Variants in FAM83C observed in about 807,000 individuals in gnomAD.
The protein encoded by FAM83C is scaffolding CK1 anchoring protein C.
FAM83C carries 23 observed loss-of-function variants against 27.1 expected under a neutral mutation model. That is an observed-to-expected ratio of 0.85 (90% CI 0.61 to 1.20). The LOEUF (loss-of-function observed/expected upper bound fraction) is 1.20. Ranked by LOEUF, FAM83C falls within the 50% of genes most tolerant of loss-of-function variation. FAM83C has a pLI of 0.00. For synonymous variants in FAM83C, 426 were observed against 423.1 expected (o/e 1.01, Z -0.09); for missense variants, 984 against 1,001.3 (o/e 0.98, Z 0.23).
chr20:35,292,333 G>T lies in FAM83C; in HGVS notation c.-29C>A, dbSNP rs553941308. The T allele has an allele frequency of 1.8e-5, 26 of 1,460,788 alleles. No individual in the cohort carries two copies. In the South Asian group the frequency reaches 2.1e-4, roughly 12 times the overall value. 90.5% of individuals were successfully genotyped at this position (1,460,788 alleles called of 1,614,324 possible). A position where few individuals can be genotyped will look rare whatever the true frequency, so the allele number is the denominator to read the frequency against. ...TGCCACGCGGCTGCCTCACCCGCCG[G>T]CAGGGCCCATGGCCCGCACGCTGGG... On this transcript the variant is annotated 5_prime_UTR_variant, in exon 1 of 4. Coordinates refer to ENST00000374408, the MANE Select transcript of FAM83C (RefSeq NM_178468.6).
At position 35,286,903 on chromosome 20, in the gene FAM83C, G is replaced by A. The variant is rs141772980; in HGVS notation, c.1876C>T (p.Arg626Trp). 44 of 1,614,118 alleles carry A rather than the reference G, an allele frequency of 2.7e-5. No individual in the cohort carries two copies. The highest frequency in any genetic ancestry group is 2.4e-4 in the African/African-American group (18 of 75,068). ...ARPARRAPDE[R>W]RQTLGHSQLD... ...TGGCTGTGCCCCAGGGTCTGCCGCC[G>A]CTCATCTGGTGCCCGTCTGGCAGGT... is the stretch of plus-strand genomic sequence containing the variant. Residue 626 changes from arginine to tryptophan, a missense_variant, in exon 4 of 4, where the codon CGG becomes TGG. Transcript: ENST00000374408.
At chr20:35,288,340 ATGCC>A in intron 3 of FAM83C, 117 bp downstream of exon 3, 1 of 1,522,852 alleles carries the variant, frequency 6.6e-7, no homozygotes, top group Non-Finnish European at 8.8e-7. Context: ...GCCTGGCATG[ATGCC>A]TGGCACATGG....
Position 35,291,873 on chromosome 20 carries a change from G to C in FAM83C, c.432C>G (p.Thr144=). ...EVPQATGFSP[T]QAVVHFQRDK... is the part of the protein sequence containing the mutation. Reference sequence around the variant, plus strand: ...CCCTCTGGAAGTGGACCACAGCCTGGGTGGGGCTGAAGCCTGTGGCCTGTG... The same window carrying C: ...CCCTCTGGAAGTGGACCACAGCCTGCGTGGGGCTGAAGCCTGTGGCCTGTG... Residue 144 remains threonine, a synonymous_variant, in exon 1 of 4, where the codon ACC becomes ACG. Coordinates refer to ENST00000374408, the MANE Select transcript of FAM83C (RefSeq NM_178468.6). 9.9e-6 allele frequency: 16 copies of C among 1,614,188 alleles called. No homozygotes were observed. The highest frequency in any genetic ancestry group is 1.3e-5 in the Non-Finnish European group (15 of 1,180,020).
At position 35,288,627 on chromosome 20, in the gene FAM83C, C is replaced by T; in HGVS notation, c.682-42G>A. The T allele has an allele frequency of 2.5e-6, 4 of 1,609,052 alleles. No individual in the cohort carries two copies. The South Asian group carries it at 4.4e-5, about 18-fold the overall frequency. ...TGGGGGTGACCTTGAGAGAGTGAGG[C>T]TCAAGCCATGTCTCTGCCCCATGGG... On this transcript the variant is annotated intron_variant, in intron 2 of 3. Transcript: ENST00000374408.
rs1261552745 is a variant in FAM83C at position 35,292,181 on chromosome 20, T to C, written c.124A>G (p.Ser42Gly). 6.3e-7 allele frequency: 1 copy of C among 1,596,518 alleles called. No homozygotes were observed. The highest frequency in any genetic ancestry group is 8.5e-7 in the Non-Finnish European group (1 of 1,178,976). Residue 42 changes from serine to glycine, a missense_variant, in exon 1 of 4, where the codon AGC becomes GGC. Transcript: ENST00000374408. ...RESSPLVLRH[S>G]EAARLAADAL... ...TCGGCCGCCAGCCGAGCCGCCTCGCTGTGCCGCAGCACCAGCGGTGAGCTC... is the reference window on the plus strand; with the variant it reads ...TCGGCCGCCAGCCGAGCCGCCTCGCCGTGCCGCAGCACCAGCGGTGAGCTC...
chr20:35,287,495 G>A lies in FAM83C; in HGVS notation c.1284C>T (p.Ala428=). ...AGGGGCTGGTACTATTATGGTTGAG[G>A]GCAGGGGAGGACTGGGACCATGGGT... ...GAYPWSQSSP[A]LNHNSTSPLT... is the part of the protein sequence containing the mutation. The change falls in exon 4 of 4, where the codon GCC becomes GCT. Residue 428 remains alanine, a synonymous_variant. Coordinates refer to ENST00000374408, the MANE Select transcript of FAM83C (RefSeq NM_178468.6). The A allele has an allele frequency of 1.2e-6, 2 of 1,614,216 alleles. No individual in the cohort carries two copies. Among genetic ancestry groups the A allele is most frequent in the South Asian group, 2.2e-5 (2 of 91,090 alleles).
At chr20:35,291,000 A>G (rs2060845320) in intron 1 of FAM83C, among the ~76,000 whole-genome samples, 3 of 152,200 alleles carry the variant, frequency 2.0e-5, no homozygotes, top group Admixed American at 2.0e-4. Context: ...TCAGAAGGGA[A>G]GCTGTGCTCG....
At position 35,287,744 on chromosome 20, in the gene FAM83C, G is replaced by C; in HGVS notation, c.1035C>G (p.Ser345Arg). The C allele has an allele frequency of 6.2e-7, 1 of 1,613,878 alleles. No homozygotes were observed. The highest frequency in any genetic ancestry group is 8.5e-7 in the Non-Finnish European group (1 of 1,179,880). Residue 345 changes from serine to arginine, a missense_variant, in exon 4 of 4, where the codon AGC becomes AGG. Coordinates refer to ENST00000374408, the MANE Select transcript of FAM83C (RefSeq NM_178468.6). The stretch of plus-strand genomic sequence containing the variant: ...ACTGCTTGATGCTGCTGAGGCTGGT[G>C]CTGGAGGGCAGGGACGACGTGGGGC... Reference protein sequence around the residue: ...VPSPTSSLPSSTSLSSIKQSP... With the variant: ...VPSPTSSLPSRTSLSSIKQSP...
At chr20:35,291,761 G>A (rs2060847385) in intron 1 of FAM83C, 31 bp downstream of exon 1, 4 of 1,612,228 alleles carry the variant, frequency 2.5e-6, no homozygotes, top group Admixed American at 1.7e-5. Context: ...CCTCCTCTGT[G>A]AGATGAGTGA....
chr20:35,287,474 G>A lies in FAM83C; in HGVS notation c.1305C>T (p.Ser435=), dbSNP rs369497196. The A allele has an allele frequency of 1.2e-6, 2 of 1,614,212 alleles. No homozygotes were observed. The highest frequency in any genetic ancestry group is 1.7e-6 in the Non-Finnish European group (2 of 1,180,026). The change falls in exon 4 of 4, where the codon AGC becomes AGT. Residue 435 remains serine, a synonymous_variant. Transcript: ENST00000374408. ...GTGACCCCACTGCCAAGGTTAAGGG[G>A]CTGGTACTATTATGGTTGAGGGCAG... ...SSPALNHNST[S]PLTLAVGSPL...
rs1568635047 is a variant in FAM83C, at chr20:35,287,895, CGG to C, written c.882_883del (p.Asp294GlufsTer9). 1.3e-6 allele frequency: 2 copies of C among 1,557,800 alleles called. No individual in the cohort carries two copies. Among genetic ancestry groups the C allele is most frequent in the Non-Finnish European group, 1.7e-6 (2 of 1,150,134 alleles). ...CTCAGCGTACAGACAGCGGAACTCC[CGG>C]TCAAAGTCTTCCACGATGCGGCCCC... On this transcript the variant is annotated frameshift_variant, in exon 4 of 4. Coordinates refer to ENST00000374408, the MANE Select transcript of FAM83C (RefSeq NM_178468.6). LOFTEE classifies it low-confidence loss of function (END_TRUNC).
chr20:35,291,721 C>A (rs1372656026), intron 1 of FAM83C, 71 bp downstream of exon 1: 1 of 1,593,250 alleles, frequency 6.3e-7, no homozygotes, highest in Non-Finnish European at 8.6e-7. Context: ...TGGCCTTGGG[C>A]TGGTCCCTTC....
intron 1 of FAM83C, among the ~76,000 whole-genome samples, chr20:35,291,328 A>G (rs185482972): frequency 2.0e-5 from 3 of 152,188 alleles, no homozygotes; most frequent in Non-Finnish European, 2.9e-5. Context: ...CTATGTCACC[A>G]TATGGACCTC....
rs753321520 is a variant in FAM83C at position 35,287,824 on chromosome 20, G to A, written c.955C>T (p.Pro319Ser). 13 of 1,577,150 alleles carry A rather than the reference G, an allele frequency of 8.2e-6. No individual in the cohort carries two copies. In the South Asian group the frequency reaches 1.4e-4, roughly 17 times the overall value. ...ACAGGGGGAGGACGCAGTGCCCGGG[G>A]AGACAGCGGGTCCTCACCGCCACAG... ...GFCGGEDPLSPRALRPPPVAL... is the reference protein window; with the variant it reads ...GFCGGEDPLSSRALRPPPVAL... Residue 319 changes from proline (P) to serine (S), a missense_variant, in exon 4 of 4, where the codon CCC (proline) becomes TCC (serine). By Grantham distance (74) the Pro-to-Ser change is moderately conservative. Coordinates refer to ENST00000374408, the MANE Select transcript of FAM83C (RefSeq NM_178468.6).
chr20:35,291,768 G>C, intron 1 of FAM83C, 24 bp downstream of exon 1: 1 of 1,613,300 alleles, frequency 6.2e-7, no homozygotes, highest in Non-Finnish European at 8.5e-7. Flanking sequence ...TGTGAGATGA[G>C]TGATGGAGAG....
intron 1 of FAM83C, 104 bp from the exon 2 acceptor site, chr20:35,289,062 C>G: frequency 7.0e-7 from 1 of 1,436,032 alleles, no homozygotes; most frequent in South Asian, 1.4e-5. Context: ...GAGTACTGGA[C>G]TGAAAATCAG....
rs374829593 is a variant in FAM83C, at chr20:35,287,000, T to C, written c.1779A>G (p.Gln593=). The change falls in exon 4 of 4, where the codon CAA becomes CAG. Residue 593 remains glutamine, a synonymous_variant. Transcript: ENST00000374408. Reference sequence around the variant, plus strand: ...TGGGGTACTGCATCAGGAGGTCTGATTGGCCACGGCTTTGGTTTAGGGACA... The same window carrying C: ...TGGGGTACTGCATCAGGAGGTCTGACTGGCCACGGCTTTGGTTTAGGGACA... ...RRLSLNQSRG[Q]SDLLMQYPKA... The C allele has an allele frequency of 3.1e-5, 50 of 1,610,170 alleles. No individual in the cohort carries two copies. The highest frequency in any genetic ancestry group is 1.6e-4 in the African/African-American group (12 of 74,926).
At chr20:35,288,683 AC>A in intron 2 of FAM83C, 98 bp from the exon 3 acceptor site, 2 of 1,481,620 alleles carry the variant, frequency 1.3e-6, no homozygotes, top group Non-Finnish European at 1.8e-6. Context: ...AAGGGAACCC[AC>A]CCCCCACTCC....
Position 35,292,246 on chromosome 20 carries a change from C to A in FAM83C, c.59G>T (p.Arg20Leu). The A allele has an allele frequency of 6.4e-7, 1 of 1,555,022 alleles. No individual in the cohort carries two copies. The highest frequency in any genetic ancestry group is 1.4e-5 in the African/African-American group (1 of 73,882). The change falls in exon 1 of 4, where the codon CGG becomes CTG. Residue 20 changes from arginine to leucine, a missense_variant. Physicochemically the swap from Arg to Leu is moderately radical, Grantham distance 102. Coordinates refer to ENST00000374408, the MANE Select transcript of FAM83C (RefSeq NM_178468.6). Reference protein sequence around the residue: ...LGAQGMAGPLRGRVEELKLPW... With the variant: ...LGAQGMAGPLLGRVEELKLPW... ...CAGCTTCAGCTCTTCCACCCGGCCC[C>A]GCAGGGGTCCCGCCATGCCCTGGGC...
Sources: allele counts gnomAD v4.1 joint callset (sites outside exome capture counted in the v4.1 genomes callset), GRCh38; gene constraint gnomAD v4.1.1; transcripts MANE v1.5; gene names NCBI Gene and HGNC (gene_info 2026-07-23, HGNC 2026-07-21).